Variants in TRDN observed in about 807,000 individuals in gnomAD.
The protein encoded by TRDN is triadin in skeletal muscle.
In TRDN, 161 loss-of-function variants were observed where a neutral mutation model predicts 149.7. That is an observed-to-expected ratio of 1.08 (90% CI 0.95 to 1.23). TRDN has a LOEUF of 1.23. Ranked by LOEUF, TRDN falls within the 50% of genes most tolerant of loss-of-function variation. The probability of loss-of-function intolerance (pLI) is 0.00; values close to 1 mark genes in which losing one functional copy is unlikely to be tolerated. For synonymous variants in TRDN, 294 were observed against 250.5 expected, an observed-to-expected ratio of 1.17 and a Z score of -1.64; for missense variants, 896 against 823.5, an observed-to-expected ratio of 1.09 and a Z score of -1.08.
At chr6:123,552,287 A>T (rs1280947786) in intron 2 of TRDN, among the ~76,000 whole-genome samples, 1 of 152,100 alleles carries the variant, frequency 6.6e-6, no homozygotes, top group Non-Finnish European at 1.5e-5. Context: ...AGAAAAGTTT[A>T]AGTAAGATTT....
chr6:123,510,329 C>T (rs1214038038), intron 7 of TRDN: 1 of 151,860 alleles, frequency 6.6e-6, no homozygotes, highest in African/African-American at 2.4e-5. Flanking sequence ...CTTAAAAATG[C>T]TTCTGAGTTT....
chr6:123,377,637 T>A (rs1781559485), intron 18 of TRDN, 79 bp downstream of exon 18: 2 of 1,552,918 alleles, frequency 1.3e-6, no homozygotes, highest in Admixed American at 3.5e-5. Context: ...TGGCGCTGCC[T>A]TACCACCTGT....
intron 24 of TRDN, among the ~76,000 whole-genome samples, chr6:123,290,686 T>C (rs1452846842): frequency 6.6e-6 from 1 of 152,240 alleles, no homozygotes; most frequent in Non-Finnish European, 1.5e-5. Flanking sequence ...TGTCAATGTC[T>C]GCTGGGCAGT....
intron 24 of TRDN, among the ~76,000 whole-genome samples, chr6:123,307,326 TC>T (rs1426653850): frequency 6.6e-6 from 1 of 152,034 alleles, no homozygotes; most frequent in Non-Finnish European, 1.5e-5. Context: ...TTCCAACACT[TC>T]TTATATCTGG....
At chr6:123,290,157 T>C (rs567552806) in intron 24 of TRDN, among the ~76,000 whole-genome samples, 15 of 152,264 alleles carry the variant, frequency 9.9e-5, no homozygotes, top group Admixed American at 9.2e-4. Context: ...TGCAGTTCAC[T>C]CCTTCCCTTC....
intron 1 of TRDN, among the ~76,000 whole-genome samples, chr6:123,618,711 G>T (rs991940601): frequency 2.0e-5 from 3 of 152,080 alleles, no homozygotes; most frequent in African/African-American, 7.2e-5. Context: ...AAAATCCATG[G>T]CTCACAACCG....
intron 24 of TRDN, among the ~76,000 whole-genome samples, chr6:123,287,878 T>C (rs941699258): frequency 6.6e-6 from 1 of 152,056 alleles, no homozygotes; most frequent in Admixed American, 6.6e-5. Context: ...AGTAGCAATA[T>C]AAGAGTAGAC....
rs958027305 is a variant in TRDN, at chr6:123,558,663, C to T, written c.233-10051G>A. Among the ~76,000 whole-genome samples the T allele has an allele frequency of 7.9e-5, 12 of 152,132 alleles. 1 individual carries two copies. Among genetic ancestry groups the T allele is most frequent in the African/African-American group, 2.4e-4 (10 of 41,426 alleles). ...TACATTTTATTACCCAATCTGCTCC[C>T]GACATTAAATAAGACTCCAAAAATT... On this transcript the variant is annotated intron_variant, in intron 2 of 40. Coordinates refer to ENST00000334268, the MANE Select transcript of TRDN (RefSeq NM_006073.4).
Position 123,604,424 on chromosome 6 carries a change from C to T in TRDN, c.22+32330G>A, listed in dbSNP as rs148561901. 6.1e-3 allele frequency among the ~76,000 whole-genome samples: 927 copies of T among 152,336 alleles called. 11 individuals carry two copies. Among genetic ancestry groups the T allele is most frequent in the Non-Finnish European group, 6.3e-3 (429 of 68,028 alleles). On this transcript the variant is annotated intron_variant, in intron 1 of 40. Transcript: ENST00000334268. ...TAAAGAGATAGGTAGGCAGAAAATA[C>T]ATTTACAATGCCTGCGAGTGCTGAA...
In TRDN at chr6:123,501,986, C is replaced by T. The variant is rs1778720997; in HGVS notation, c.793+1733G>A. 4.1e-6 allele frequency: 4 copies of T among 984,924 alleles called. No individual in the cohort carries two copies. In the South Asian group the frequency reaches 1.9e-4, roughly 46 times the overall value. 61.0% of individuals were successfully genotyped at this position (984,924 alleles called of 1,614,324 possible). A position where few individuals can be genotyped will look rare whatever the true frequency, so the allele number is the denominator to read the frequency against. ...AATCCCCAAAGATATGAAAAATTAA[C>T]ATCAAAAAATACATTCACATTCCTA... On this transcript the variant is annotated intron_variant, in intron 8 of 40. Transcript: ENST00000334268.
Position 123,540,710 on chromosome 6 carries a change from G to GGGTT in TRDN, c.424+6629_424+6630insAACC, listed in dbSNP as rs533658729. 1.8e-3 allele frequency among the ~76,000 whole-genome samples: 268 copies of GGGTT among 152,192 alleles called. 1 individual carries two copies. The highest frequency in any genetic ancestry group is 5.9e-3 in the African/African-American group (247 of 41,542). ...ATTTTTTGTATTTTTGGTGAAGACGGTGTTTCACCTTGTTAGCCAGGATGG... is the reference window on the plus strand; with the variant it reads ...ATTTTTTGTATTTTTGGTGAAGACGGGGTTTGTTTCACCTTGTTAGCCAGGATGG... On this transcript the variant is annotated intron_variant, in intron 4 of 40. Coordinates refer to ENST00000334268, the MANE Select transcript of TRDN (RefSeq NM_006073.4).
intron 7 of TRDN, among the ~76,000 whole-genome samples, chr6:123,506,820 A>G (rs1030611900): frequency 6.6e-6 from 1 of 152,072 alleles, no homozygotes; most frequent in African/African-American, 2.4e-5. Flanking sequence ...TGAATTAATA[A>G]TGTCTTCCCA....
chr6:123,496,055 A>C (rs534629278), intron 9 of TRDN, among the ~76,000 whole-genome samples: 1 of 147,230 alleles, frequency 6.8e-6, no homozygotes, highest in Non-Finnish European at 1.5e-5. Flanking sequence ...AATAATATAT[A>C]TCATTAATAT....
intron 38 of TRDN, among the ~76,000 whole-genome samples, chr6:123,230,711 A>G (rs939192378): frequency 1.3e-5 from 2 of 151,982 alleles, no homozygotes; most frequent in Non-Finnish European, 2.9e-5. Flanking sequence ...ACAAAAGATT[A>G]ATTCATAATG....
chr6:123,456,484 T>A (rs1165440358), intron 10 of TRDN, among the ~76,000 whole-genome samples: 3 of 152,170 alleles, frequency 2.0e-5, no homozygotes, highest in African/African-American at 7.2e-5. Flanking sequence ...TTTTTCTTTT[T>A]TTGAGACAGG....
chr6:123,340,625 A>G (rs1221788634), intron 21 of TRDN, among the ~76,000 whole-genome samples: 1 of 152,020 alleles, frequency 6.6e-6, no homozygotes, highest in Non-Finnish European at 1.5e-5. Flanking sequence ...TATAACTTCA[A>G]AAACTCTCTC....
At chr6:123,605,064 A>C (rs1293546941) in intron 1 of TRDN, among the ~76,000 whole-genome samples, 1 of 151,962 alleles carries the variant, frequency 6.6e-6, no homozygotes, top group Non-Finnish European at 1.5e-5. Flanking sequence ...ATTGTTGACT[A>C]GATGCATGTA....
At chr6:123,589,267 A>T (rs1254045605) in intron 1 of TRDN, among the ~76,000 whole-genome samples, 1 of 152,226 alleles carries the variant, frequency 6.6e-6, no homozygotes, top group Non-Finnish European at 1.5e-5. Flanking sequence ...CATTTGAATA[A>T]GATAAACATA....
chr6:123,630,898 C>T (rs1277350759), intron 1 of TRDN, among the ~76,000 whole-genome samples: 1 of 151,762 alleles, frequency 6.6e-6, no homozygotes, highest in African/African-American at 2.4e-5. Flanking sequence ...TTTAATTAAC[C>T]AAGTTCATGA....
Sources: gnomAD v4.1 joint callset for allele counts (sites outside exome capture counted in the v4.1 genomes callset) on GRCh38, gnomAD v4.1.1 for gene constraint, MANE v1.5 for transcripts, NCBI Gene and HGNC (gene_info 2026-07-23, HGNC 2026-07-21) for gene names.